Variants in CD163L1 observed in about 807,000 individuals in gnomAD.
CD163L1 encodes CD163 molecule like 1.
In CD163L1, 124 loss-of-function variants were observed where a neutral mutation model predicts 165.4. The ratio of observed to expected loss-of-function variants is 0.75; its 90% CI spans 0.65 to 0.87. The LOEUF is 0.87. Ranked by LOEUF, CD163L1 falls within the 40% of genes least tolerant of loss-of-function variation. The pLI is 0.00. For missense variants in CD163L1, 1,525 were observed against 1,799.9 expected, an observed-to-expected ratio of 0.85 and a Z score of 2.76; for synonymous variants, 585 against 662.2, an observed-to-expected ratio of 0.88 and a Z score of 1.79.
At chr12:7,413,937 C>T (rs927148047) in intron 4 of CD163L1, among the ~76,000 whole-genome samples, 1 of 151,994 alleles carries the variant, frequency 6.6e-6, no homozygotes, top group Non-Finnish European at 1.5e-5. Flanking sequence ...TCTGAGAGAC[C>T]CCCTAGAATC....
Position 7,372,406 on chromosome 12 carries a change from GA to G in CD163L1, c.3730+913del, listed in dbSNP as rs1488406618. Among the ~76,000 whole-genome samples the G allele has an allele frequency of 6.6e-6, 1 of 152,068 alleles. No homozygotes were observed. The highest frequency in any genetic ancestry group is 1.9e-4 in the East Asian group (1 of 5,174). ...CTTCAGATATAATCAGAGATTCACCGAAAATGAATAAGGATGCTTATAATGG... is the reference window on the plus strand; with the variant it reads ...CTTCAGATATAATCAGAGATTCACCGAAATGAATAAGGATGCTTATAATGG... On this transcript the variant is annotated intron_variant, in intron 14 of 19. Transcript: ENST00000313599. This position sits in a 1 kb window ranked among gnomAD's most constrained non-coding sequence, Gnocchi z 4.2.
In CD163L1 at chr12:7,398,487, A is replaced by G; in HGVS notation, c.1506T>C (p.His502=). The G allele has an allele frequency of 6.2e-7, 1 of 1,614,072 alleles. No individual in the cohort carries two copies. Among genetic ancestry groups the G allele is most frequent in the Non-Finnish European group, 8.5e-7 (1 of 1,179,970 alleles). The stretch of plus-strand genomic sequence containing the variant: ...CTGCATTCCTTGTGCTCCATCTGTC[A>G]TGACACACAGTCCCCCACTCTCCTT... The part of the protein sequence containing the change: ...KYQGEWGTVC[H]DRWSTRNAAV... Residue 502 remains histidine, a synonymous_variant, in exon 7 of 20, where the codon CAT becomes CAC. Coordinates refer to ENST00000313599, the MANE Select transcript of CD163L1 (RefSeq NM_174941.6). This position sits in a 1 kb window ranked among gnomAD's most constrained non-coding sequence, Gnocchi z 4.5.
At chr12:7,356,087 T>C (rs1379823184) in intron 19 of CD163L1, among the ~76,000 whole-genome samples, 1 of 152,160 alleles carries the variant, frequency 6.6e-6, no homozygotes, top group African/African-American at 2.4e-5. Flanking sequence ...AAAATTGTGC[T>C]AATATAAATT....
the CD163L1 span, chr12:7,328,329 A>G: frequency 2.5e-5 from 40 of 1,595,822 alleles, no homozygotes; most frequent in Non-Finnish European, 3.2e-5. Context: ...CACTGGGAAA[A>G]TCAAACGCAA....
intron 9 of CD163L1, 84 bp from the exon 10 acceptor site, chr12:7,376,098 C>T (rs1204904655): frequency 8.3e-6 from 10 of 1,211,204 alleles, no homozygotes; most frequent in Non-Finnish European, 1.1e-5. Flanking sequence ...AACCCCAGAG[C>T]AATTTTTCTC....
the CD163L1 span, among the ~76,000 whole-genome samples, chr12:7,341,159 C>T: frequency 2.0e-5 from 3 of 152,120 alleles, no homozygotes; most frequent in African/African-American, 7.2e-5. Context: ...GAACATTAGT[C>T]CAGATTTTAA....
At chr12:7,386,514 A>C (rs1429640837) in intron 8 of CD163L1, among the ~76,000 whole-genome samples, 1 of 151,936 alleles carries the variant, frequency 6.6e-6, no homozygotes, top group East Asian at 1.9e-4. Flanking sequence ...AGGAAGCAAC[A>C]GAAAGAGAAA....
chr12:7,334,381 G>A, the CD163L1 span, among the ~76,000 whole-genome samples: 2 of 152,064 alleles, frequency 1.3e-5, no homozygotes, highest in African/African-American at 2.4e-5. Context: ...CAGAACCAAA[G>A]ACAAAAACCA....
intron 2 of CD163L1, 151 bp from the exon 3 acceptor site, chr12:7,433,845 G>A: frequency 1.7e-6 from 1 of 592,720 alleles, no homozygotes; most frequent in East Asian, 3.0e-5. Flanking sequence ...AATTTGAAGT[G>A]AGAAGCTTTA....
chr12:7,333,428 T>C, the CD163L1 span, among the ~76,000 whole-genome samples: 1 of 152,228 alleles, frequency 6.6e-6, no homozygotes, highest in Non-Finnish European at 1.5e-5. Flanking sequence ...AATAAAGATG[T>C]TCTTTGAAAC....
chr12:7,361,567 G>A (rs1454522945), intron 18 of CD163L1, among the ~76,000 whole-genome samples: 1 of 152,100 alleles, frequency 6.6e-6, no homozygotes, highest in African/African-American at 2.4e-5. Context: ...CTGGACTAGG[G>A]CTAGGGTGAA....
rs1203627041 is a variant in CD163L1 at position 7,372,892 on chromosome 12, T to C, written c.3730+428A>G. On this transcript the variant is annotated intron_variant, in intron 14 of 19. Coordinates refer to ENST00000313599, the MANE Select transcript of CD163L1 (RefSeq NM_174941.6). The surrounding 1 kb of genome is among the most constrained non-coding windows in gnomAD (Gnocchi z 4.2). ...CAATTTACAAGTGTCTTATAAATAA[T>C]CAACTAACTTCCCATAGTAAAATGT... Among the ~76,000 whole-genome samples the C allele has an allele frequency of 2.0e-5, 3 of 152,120 alleles. No homozygotes were observed. The highest frequency in any genetic ancestry group is 4.4e-5 in the Non-Finnish European group (3 of 67,994).
intron 4 of CD163L1, among the ~76,000 whole-genome samples, chr12:7,430,224 G>GA (rs1235887291): frequency 2.0e-5 from 3 of 152,066 alleles, no homozygotes; most frequent in Non-Finnish European, 4.4e-5. Flanking sequence ...GTTTGTAGAA[G>GA]AAAAAATAGA....
chr12:7,425,544 A>G (rs1462072919), intron 4 of CD163L1, among the ~76,000 whole-genome samples: 1 of 152,210 alleles, frequency 6.6e-6, no homozygotes, highest in African/African-American at 2.4e-5. Context: ...GTGAACAGGC[A>G]ACCTACAGAA....
chr12:7,359,277 AC>A (rs1179377212), intron 18 of CD163L1, among the ~76,000 whole-genome samples: 14 of 152,156 alleles, frequency 9.2e-5, no homozygotes, highest in East Asian at 7.7e-4. Flanking sequence ...TGCCAAAAAA[AC>A]AAAACAAACA....
intron 4 of CD163L1, among the ~76,000 whole-genome samples, chr12:7,421,472 T>TACATAC (rs1948400525): frequency 9.4e-6 from 1 of 106,652 alleles, no homozygotes; most frequent in South Asian, 3.4e-4. Context: ...TACATATATA[T>TACATAC]ACATATATGT....
At chr12:7,403,130 T>C (rs1947945914) in intron 6 of CD163L1, among the ~76,000 whole-genome samples, 1 of 152,160 alleles carries the variant, frequency 6.6e-6, no homozygotes, top group Non-Finnish European at 1.5e-5. Context: ...TTTGGATTTG[T>C]ATATATTCCT....
At chr12:7,327,813 G>A in the CD163L1 span, among the ~76,000 whole-genome samples, 1 of 152,146 alleles carries the variant, frequency 6.6e-6, no homozygotes, top group Admixed American at 6.5e-5. Flanking sequence ...AAATACAGTA[G>A]TCTTATTTTG....
At chr12:7,427,558 G>C (rs973860352) in intron 4 of CD163L1, among the ~76,000 whole-genome samples, 3 of 152,150 alleles carry the variant, frequency 2.0e-5, no homozygotes, top group South Asian at 2.1e-4. Flanking sequence ...ATATTCTTAT[G>C]GCCTTGATGG....
Sources: allele counts gnomAD v4.1 joint callset (sites outside exome capture counted in the v4.1 genomes callset), GRCh38; gene constraint gnomAD v4.1.1; non-coding constraint Gnocchi (gnomAD v3.1); transcripts MANE v1.5; gene names NCBI Gene and HGNC (gene_info 2026-07-23, HGNC 2026-07-21).